The following CNTNAP2 variants were observed in gnomAD, a reference collection of about 807,000 sequenced individuals.
CNTNAP2 encodes the protein contactin-associated protein-like 2.
Under a neutral mutation model 155.2 loss-of-function variants are expected in CNTNAP2, and 98 were observed. That is an observed-to-expected ratio of 0.63 (90% CI 0.54 to 0.75). The LOEUF (loss-of-function observed/expected upper bound fraction) is 0.75, where lower values mean the gene tolerates loss of function less well. CNTNAP2 is among the 30% of genes least tolerant of loss of function. CNTNAP2 has a pLI of 0.00. For synonymous variants in CNTNAP2, 651 were observed against 631.2 expected (o/e 1.03, Z -0.47); for missense variants, 1,727 against 1,688.1 (o/e 1.02, Z -0.40).
At chr7:147,076,354 G>T (rs1427404572) in intron 4 of CNTNAP2, among the ~76,000 whole-genome samples, 1 of 152,100 alleles carries the variant, frequency 6.6e-6, no homozygotes, top group Non-Finnish European at 1.5e-5. Context: ...TCTCATTGTG[G>T]TTTTGATTTG....
At chr7:146,679,881 T>G (rs1800472044) in intron 1 of CNTNAP2, among the ~76,000 whole-genome samples, 1 of 152,182 alleles carries the variant, frequency 6.6e-6, no homozygotes, top group Admixed American at 6.5e-5. Context: ...TTATAAGACA[T>G]TCTTTTTTTT....
At chr7:146,524,520 G>T (rs1346997855) in intron 1 of CNTNAP2, among the ~76,000 whole-genome samples, 3 of 152,054 alleles carry the variant, frequency 2.0e-5, no homozygotes, top group East Asian at 3.9e-4. Context: ...GACCACGATT[G>T]TATCTGATCT....
At chr7:147,866,022 C>T (rs373388204) in intron 13 of CNTNAP2, among the ~76,000 whole-genome samples, 11 of 152,074 alleles carry the variant, frequency 7.2e-5, no homozygotes, top group South Asian at 6.2e-4. Context: ...GTTAGGATGT[C>T]GATTTTAGAT....
At chr7:147,536,835 C>G (rs531010335) in intron 11 of CNTNAP2, among the ~76,000 whole-genome samples, 1 of 152,256 alleles carries the variant, frequency 6.6e-6, no homozygotes, top group South Asian at 2.1e-4. Context: ...ACCTCCCAGG[C>G]CTTGAACATA....
chr7:146,794,331 A>G (rs1244510385), intron 2 of CNTNAP2, among the ~76,000 whole-genome samples: 2 of 152,218 alleles, frequency 1.3e-5, no homozygotes, highest in African/African-American at 4.8e-5. Flanking sequence ...AAATCATTGT[A>G]TATGCATAAT....
chr7:147,530,563 G>T (rs907497531), intron 11 of CNTNAP2, among the ~76,000 whole-genome samples: 1 of 152,138 alleles, frequency 6.6e-6, no homozygotes, highest in African/African-American at 2.4e-5. Flanking sequence ...TAGATCTCAT[G>T]AGACTTATTG....
intron 1 of CNTNAP2, among the ~76,000 whole-genome samples, chr7:146,773,185 G>A (rs758705691): frequency 6.6e-6 from 1 of 152,046 alleles, no homozygotes; most frequent in Non-Finnish European, 1.5e-5. Context: ...AAAGGAATCA[G>A]AGAGCAAGCA....
intron 1 of CNTNAP2, among the ~76,000 whole-genome samples, chr7:146,489,139 G>A (rs868571549): frequency 1.3e-5 from 2 of 152,092 alleles, no homozygotes; most frequent in Non-Finnish European, 2.9e-5. Flanking sequence ...CCCAACAACA[G>A]TTCCTTCCTT....
chr7:147,122,401 G>A (rs766752710), intron 6 of CNTNAP2: 7 of 152,122 alleles, frequency 4.6e-5, no homozygotes, highest in Non-Finnish European at 8.8e-5. Flanking sequence ...AAAAATTTAC[G>A]TCCTAAGACT....
At chr7:147,743,989 C>T (rs535686651) in intron 13 of CNTNAP2, among the ~76,000 whole-genome samples, 1 of 152,276 alleles carries the variant, frequency 6.6e-6, no homozygotes, top group South Asian at 2.1e-4. Context: ...AACTGTCATT[C>T]TCCTTATTTG....
intron 1 of CNTNAP2, among the ~76,000 whole-genome samples, chr7:146,427,857 C>T (rs1796115076): frequency 6.6e-6 from 1 of 152,100 alleles, no homozygotes; most frequent in South Asian, 2.1e-4. Context: ...GTATTAAGCC[C>T]AGCATCCATC....
chr7:147,172,086 A>G (rs1049587513), intron 8 of CNTNAP2, among the ~76,000 whole-genome samples: 2 of 152,108 alleles, frequency 1.3e-5, no homozygotes, highest in African/African-American at 2.4e-5. Context: ...TGTAATTTCC[A>G]CTTTTATTAC....
rs1358075512 is a variant in CNTNAP2, at chr7:146,550,408, T to TG, written c.98-223863_98-223862insG. ...AGTGAGGTCCATTAATCTGTTTTTT[T>TG]TTTTTTTTTTTTTTTTTTTTTATAA... On this transcript the variant is annotated intron_variant, in intron 1 of 23. Coordinates refer to ENST00000361727, the MANE Select transcript of CNTNAP2 (RefSeq NM_014141.6). Among the ~76,000 whole-genome samples, 31 of 109,266 alleles carry TG rather than the reference T, an allele frequency of 2.8e-4. 1 individual carries two copies. Among genetic ancestry groups the TG allele is most frequent in the Non-Finnish European group, 1.7e-4 (8 of 47,732 alleles). 71.7% of individuals were successfully genotyped at this position (109,266 alleles called of 152,430 possible). A position where few individuals can be genotyped will look rare whatever the true frequency, so the allele number is the denominator to read the frequency against.
At chr7:147,520,214 G>C (rs2116705313) in intron 11 of CNTNAP2, among the ~76,000 whole-genome samples, 1 of 152,256 alleles carries the variant, frequency 6.6e-6, no homozygotes, top group South Asian at 2.1e-4. Context: ...GGCTGAAAAT[G>C]CATTTAGAAT....
chr7:147,595,334 G>A (rs1309508713), intron 12 of CNTNAP2, among the ~76,000 whole-genome samples: 1 of 152,062 alleles, frequency 6.6e-6, no homozygotes, highest in African/African-American at 2.4e-5. Flanking sequence ...GCATTCAAAT[G>A]ATTCACCAAT....
chr7:146,979,078 A>T (rs1797966068), intron 3 of CNTNAP2, among the ~76,000 whole-genome samples: 1 of 152,162 alleles, frequency 6.6e-6, no homozygotes, highest in Admixed American at 6.6e-5. Flanking sequence ...TAGCAAAGTG[A>T]GTCCAAACAC....
At chr7:146,650,787 T>C (rs1390617675) in intron 1 of CNTNAP2, among the ~76,000 whole-genome samples, 1 of 152,094 alleles carries the variant, frequency 6.6e-6, no homozygotes, top group Non-Finnish European at 1.5e-5. Flanking sequence ...AATAAAATGA[T>C]ATAGTGCTAA....
rs942290509 is a variant in CNTNAP2 at position 147,121,172 on chromosome 7, G to A, written c.939+9G>A. ...TGGACTTGGACTATGAGGTACATGT[G>A]ATGACGTAGAAATTGTAATAAAATG... is the stretch of plus-strand genomic sequence containing the variant. On this transcript the variant is annotated intron_variant, in intron 6 of 23. Coordinates refer to ENST00000361727, the MANE Select transcript of CNTNAP2 (RefSeq NM_014141.6). 23 of 1,613,320 alleles carry A rather than the reference G, an allele frequency of 1.4e-5. No homozygotes were observed. In the African/African-American group the frequency reaches 2.9e-4, roughly 21 times the overall value.
chr7:147,072,587 T>A (rs1475954034), intron 4 of CNTNAP2, among the ~76,000 whole-genome samples: 1 of 152,052 alleles, frequency 6.6e-6, no homozygotes, highest in Non-Finnish European at 1.5e-5. Context: ...AGTGGAAATA[T>A]CTGGGAGGAT....
Sources: allele counts gnomAD v4.1 joint callset (sites outside exome capture counted in the v4.1 genomes callset), GRCh38; gene constraint gnomAD v4.1.1; transcripts MANE v1.5; gene names NCBI Gene and HGNC (gene_info 2026-07-23, HGNC 2026-07-21).